Variants in BSN observed in about 807,000 individuals in gnomAD.
BSN encodes protein bassoon.
A neutral mutation model predicts 264.8 loss-of-function variants in BSN; 57 were observed. The observed-to-expected ratio is 0.22, with a 90% CI of 0.17 to 0.27. The LOEUF is 0.27. BSN is among the 10% of genes least tolerant of loss of function. The probability of loss-of-function intolerance (pLI) is 1.00; values close to 1 mark genes in which losing one functional copy is unlikely to be tolerated. For missense variants in BSN, 4,615 were observed against 5,232.5 expected, an observed-to-expected ratio of 0.88 and a Z score of 3.64; for synonymous variants, 2,059 against 2,137.3, an observed-to-expected ratio of 0.96 and a Z score of 1.01.
chr3:49,657,893 C>T lies in BSN; in HGVS notation c.8337C>T (p.Leu2779=). 5 of 1,613,834 alleles carry T rather than the reference C, an allele frequency of 3.1e-6. No individual in the cohort carries two copies. Among genetic ancestry groups the T allele is most frequent in the Non-Finnish European group, 4.2e-6 (5 of 1,179,952 alleles). The stretch of plus-strand genomic sequence containing the variant: ...AGGCCCACCTGCCTCCGGAGTCTCT[C>T]TCACAGCTTGTGAGCCGCCAGCCTC... The part of the protein sequence containing the change: ...GYQAHLPPES[L]SQLVSRQPPK... Residue 2779 remains leucine, a synonymous_variant, in exon 5 of 12, where the codon CTC becomes CTT. Coordinates refer to ENST00000296452, the MANE Select transcript of BSN (RefSeq NM_003458.4).
intron 9 of BSN, 75 bp downstream of exon 9, chr3:49,664,629 C>G (rs1052846190): frequency 7.8e-6 from 12 of 1,547,564 alleles, no homozygotes; most frequent in Non-Finnish European, 9.6e-6. Context: ...TGATTCCAGA[C>G]TCAGTCACCC....
chr3:49,665,721 G>A (rs919121669), intron 11 of BSN, among the ~76,000 whole-genome samples: 10 of 152,240 alleles, frequency 6.6e-5, no homozygotes, highest in African/African-American at 1.9e-4. Context: ...ACCCCACAGA[G>A]TCACATCTGC....
At position 49,642,235 on chromosome 3, in the gene BSN, C is replaced by G; in HGVS notation, c.634-33C>G. ...GGGCCATGAGTACTGCCAATCCTGG[C>G]CACCCTGCTGACTATTTTGCTTTTC... On this transcript the variant is annotated intron_variant, in intron 2 of 11. Coordinates refer to ENST00000296452, the MANE Select transcript of BSN (RefSeq NM_003458.4). The surrounding 1 kb of genome is among the most constrained non-coding windows in gnomAD (Gnocchi z 7.0). 2.0e-6 allele frequency: 3 copies of G among 1,482,712 alleles called. No individual in the cohort carries two copies. Among genetic ancestry groups the G allele is most frequent in the Non-Finnish European group, 2.7e-6 (3 of 1,112,884 alleles). The allele number at this position is 1,482,712 out of a possible 1,614,324, so 91.8% of individuals were successfully genotyped here. A position where few individuals can be genotyped will look rare whatever the true frequency, so the allele number is the denominator to read the frequency against.
At position 49,654,059 on chromosome 3, in the gene BSN, A is replaced by T; in HGVS notation, c.4503A>T (p.Thr1501=). 6.2e-7 allele frequency: 1 copy of T among 1,613,822 alleles called. No individual in the cohort carries two copies. Among genetic ancestry groups the T allele is most frequent in the Non-Finnish European group, 8.5e-7 (1 of 1,179,946 alleles). The change falls in exon 5 of 12, where the codon ACA becomes ACT. Residue 1501 remains threonine, a synonymous_variant. Transcript: ENST00000296452. The surrounding 1 kb of genome is among the most constrained non-coding windows in gnomAD (Gnocchi z 4.1). ...CTGGCAAGATGGGCCCAAGGGCCACAGCAGAGTTCTCTACACAGACGCCAA... is the reference window on the plus strand; with the variant it reads ...CTGGCAAGATGGGCCCAAGGGCCACTGCAGAGTTCTCTACACAGACGCCAA... The part of the protein sequence containing the change: ...FSPGKMGPRA[T]AEFSTQTPSP...
At chr3:49,621,841 C>T (rs1187787848) in intron 1 of BSN, among the ~76,000 whole-genome samples, 1 of 152,152 alleles carries the variant, frequency 6.6e-6, no homozygotes, top group East Asian at 1.9e-4. Flanking sequence ...CCTCAGTCTC[C>T]CAAGTTGGGA....
chr3:49,598,760 T>C (rs2052046560), intron 1 of BSN, among the ~76,000 whole-genome samples: 1 of 152,126 alleles, frequency 6.6e-6, no homozygotes, highest in African/African-American at 2.4e-5. Context: ...TAAAACTGTG[T>C]ACGAAGCAAA....
rs532597106 is a variant in BSN, at chr3:49,559,508, G to A, written c.224+4682G>A. ...CAGCACCACAGCCACATCTAAATAA[G>A]ATAATGATCTCTTCTTAAACTCAGC... On this transcript the variant is annotated intron_variant, in intron 1 of 11. Coordinates refer to ENST00000296452, the MANE Select transcript of BSN (RefSeq NM_003458.4). Among the ~76,000 whole-genome samples, 28 of 152,244 alleles carry A rather than the reference G, an allele frequency of 1.8e-4. No individual in the cohort carries two copies. The South Asian group carries it at 2.7e-3, about 15-fold the overall frequency.
In BSN at chr3:49,651,216, G is replaced by A. The variant is rs1015563853; in HGVS notation, c.1986+137G>A. 1.5e-5 allele frequency: 13 copies of A among 878,886 alleles called. No individual in the cohort carries two copies. The highest frequency in any genetic ancestry group is 2.2e-5 in the Non-Finnish European group (13 of 594,552). 54.4% of individuals were successfully genotyped at this position (878,886 alleles called of 1,614,324 possible). ...CACACAGGAGGGAAGGGACACAGTAGAAGGAAAGTCTAGATGAGGTTCTGG... is the reference window on the plus strand; with the variant it reads ...CACACAGGAGGGAAGGGACACAGTAAAAGGAAAGTCTAGATGAGGTTCTGG... On this transcript the variant is annotated intron_variant, in intron 4 of 11. Coordinates refer to ENST00000296452, the MANE Select transcript of BSN (RefSeq NM_003458.4). This position sits in a 1 kb window ranked among gnomAD's most constrained non-coding sequence, Gnocchi z 5.4.
intron 1 of BSN, among the ~76,000 whole-genome samples, chr3:49,572,557 G>T (rs1014376240): frequency 6.6e-6 from 1 of 152,050 alleles, no homozygotes; most frequent in Non-Finnish European, 1.5e-5. Context: ...TTTTTGAGAC[G>T]GTGTCTTGCT....
Position 49,652,800 on chromosome 3 carries a change from C to T in BSN, c.3244C>T (p.Arg1082Trp), listed in dbSNP as rs759380060. Residue 1082 changes from arginine (R) to tryptophan (W), a missense_variant, in exon 5 of 12, where the codon CGG (arginine) becomes TGG (tryptophan). Physicochemically the swap from Arg to Trp is moderately radical, Grantham distance 101. Transcript: ENST00000296452. ...RKTRRDKEEL[R>W]AQRRRERSKT... ...GACCCGGCGGGACAAGGAAGAACTGCGGGCCCAGCGGAGGCGAGAGCGCTC... is the reference window on the plus strand; with the variant it reads ...GACCCGGCGGGACAAGGAAGAACTGTGGGCCCAGCGGAGGCGAGAGCGCTC... 1 of 1,554,138 alleles carries T rather than the reference C, an allele frequency of 6.4e-7. No individual in the cohort carries two copies. The highest frequency in any genetic ancestry group is 8.7e-7 in the Non-Finnish European group (1 of 1,148,904).
intron 3 of BSN, among the ~76,000 whole-genome samples, chr3:49,648,917 C>T (rs964632473): frequency 6.6e-6 from 1 of 152,200 alleles, no homozygotes; most frequent in Non-Finnish European, 1.5e-5. Flanking sequence ...GGTTGGGCCT[C>T]GGGGAAGAGC....
rs1171954342 is a variant in BSN at position 49,654,645 on chromosome 3, G to A, written c.5089G>A (p.Gly1697Ser). The change falls in exon 5 of 12, where the codon GGT becomes AGT. Residue 1697 changes from glycine (G) to serine (S), a missense_variant. Transcript: ENST00000296452. The surrounding 1 kb of genome is among the most constrained non-coding windows in gnomAD (Gnocchi z 4.1). ...TSLAVEARKY[G>S]LALDPIPGRQ... Reference sequence around the variant, plus strand: ...TCTTGCTGTGGAAGCGAGGAAGTATGGTCTTGCCCTGGATCCAATCCCAGG... The same window carrying A: ...TCTTGCTGTGGAAGCGAGGAAGTATAGTCTTGCCCTGGATCCAATCCCAGG... The A allele has an allele frequency of 1.9e-6, 3 of 1,613,830 alleles. No individual in the cohort carries two copies. Among genetic ancestry groups the A allele is most frequent in the East Asian group, 4.5e-5 (2 of 44,896 alleles).
At position 49,664,853 on chromosome 3, in the gene BSN, G is replaced by T; in HGVS notation, c.*14G>T. 6.2e-7 allele frequency: 1 copy of T among 1,611,670 alleles called. No homozygotes were observed. On this transcript the variant is annotated splice_region_variant and 3_prime_UTR_variant, in exon 10 of 12. Transcript: ENST00000296452. Reference sequence around the variant, plus strand: ...TCATTCTGGTGACCATGCCCAGCATGGTGAGTACAAGCAGCCTGTACCTTG... The same window carrying T: ...TCATTCTGGTGACCATGCCCAGCATTGTGAGTACAAGCAGCCTGTACCTTG...
rs570306632 is a variant in BSN at position 49,620,038 on chromosome 3, A to T, written c.225-4937A>T. Reference sequence around the variant, plus strand: ...TATACAAAAGCAATAAATTTGTTATATGATGGGTCAGAAGGTGCTCAGTGC... The same window carrying T: ...TATACAAAAGCAATAAATTTGTTATTTGATGGGTCAGAAGGTGCTCAGTGC... On this transcript the variant is annotated intron_variant, in intron 1 of 11. Transcript: ENST00000296452. Among the ~76,000 whole-genome samples the T allele has an allele frequency of 7.6e-4, 116 of 152,268 alleles. 1 individual carries two copies. The highest frequency in any genetic ancestry group is 2.7e-3 in the African/African-American group (112 of 41,564).
At chr3:49,601,615 G>T (rs558183102) in intron 1 of BSN, among the ~76,000 whole-genome samples, 18 of 152,316 alleles carry the variant, frequency 1.2e-4, no homozygotes, top group Admixed American at 1.2e-3. Context: ...ACCAGGAGCT[G>T]ATTTCTCTGG....
rs2052470607 is a variant in BSN at position 49,642,399 on chromosome 3, A to C, written c.765A>C (p.Lys255Asn). The C allele has an allele frequency of 6.2e-7, 1 of 1,601,550 alleles. No individual in the cohort carries two copies. The highest frequency in any genetic ancestry group is 2.3e-5 in the East Asian group (1 of 44,296). The change falls in exon 3 of 12, where the codon AAA becomes AAC. Residue 255 changes from lysine (K) to asparagine (N), a missense_variant. Coordinates refer to ENST00000296452, the MANE Select transcript of BSN (RefSeq NM_003458.4). This position sits in a 1 kb window ranked among gnomAD's most constrained non-coding sequence, Gnocchi z 7.0. The stretch of plus-strand genomic sequence containing the variant: ...TGTCTCCTGCCCACTCCCCGGCCAA[A>C]CAGCCCCTGGGGAAGCCAGACCAAG... The part of the protein sequence containing the change: ...PALSPAHSPA[K>N]QPLGKPDQER...
At chr3:49,650,546 A>C (rs2052532604) in intron 3 of BSN, 66 bp from the exon 4 acceptor site, 2 of 1,399,558 alleles carry the variant, frequency 1.4e-6, no homozygotes, top group African/African-American at 2.9e-5. Context: ...ATAGTTATGG[A>C]AATATTATTT....
At chr3:49,647,314 T>C (rs577388024) in intron 3 of BSN, among the ~76,000 whole-genome samples, 144 of 152,314 alleles carry the variant, frequency 9.5e-4, no homozygotes, top group African/African-American at 3.2e-3. Flanking sequence ...CCCTAAATAG[T>C]GATGCCCTGA....
At chr3:49,612,593 C>T (rs1030517703) in intron 1 of BSN, among the ~76,000 whole-genome samples, 2 of 152,100 alleles carry the variant, frequency 1.3e-5, no homozygotes, top group Admixed American at 1.3e-4. Context: ...TATCTTTGAG[C>T]CCTGTGTGAT....
Sources: allele counts gnomAD v4.1 joint callset (sites outside exome capture counted in the v4.1 genomes callset), GRCh38; gene constraint gnomAD v4.1.1; non-coding constraint Gnocchi (gnomAD v3.1); transcripts MANE v1.5; gene names NCBI Gene and HGNC (gene_info 2026-07-23, HGNC 2026-07-21).